SPAG16: variants seen among roughly 807,000 people sequenced by gnomAD.
SPAG16 encodes the protein sperm-associated antigen 16 protein.
SPAG16 carries 86 observed loss-of-function variants against 80.4 expected under a neutral mutation model. That is an observed-to-expected ratio of 1.07 (90% confidence interval 0.90 to 1.28). SPAG16 has a LOEUF of 1.28. Among genes scored for constraint, SPAG16 ranks in the 50% most tolerant of loss-of-function variants. The pLI is 0.00. For synonymous variants in SPAG16, 294 were observed against 265.9 expected, an observed-to-expected ratio of 1.11 and a Z score of -1.03; for missense variants, 870 against 765.3, an observed-to-expected ratio of 1.14 and a Z score of -1.61.
chr2:214,334,134 A>G (rs1697118657), intron 15 of SPAG16, among the ~76,000 whole-genome samples: 2 of 152,156 alleles, frequency 1.3e-5, no homozygotes, highest in Admixed American at 1.3e-4. Flanking sequence ...CATGTCAGTT[A>G]CATCATCTAT....
chr2:213,750,692 T>C (rs1467635027), intron 10 of SPAG16, among the ~76,000 whole-genome samples: 1 of 152,210 alleles, frequency 6.6e-6, no homozygotes, highest in Non-Finnish European at 1.5e-5. Context: ...ACTTGAAGCT[T>C]GAGTTCTGTT....
intron 12 of SPAG16, among the ~76,000 whole-genome samples, chr2:213,956,245 C>T (rs899010115): frequency 1.3e-5 from 2 of 151,956 alleles, no homozygotes; most frequent in African/African-American, 2.4e-5. Flanking sequence ...CATAAGCCAC[C>T]ATGCCAGGCC....
intron 15 of SPAG16, among the ~76,000 whole-genome samples, chr2:214,152,939 A>G (rs2056047310): frequency 6.6e-6 from 1 of 152,158 alleles, no homozygotes; most frequent in African/African-American, 2.4e-5. Context: ...AGCCAGGTAT[A>G]CAGGATGGAA....
At chr2:214,285,734 C>A (rs532826084) in intron 15 of SPAG16, among the ~76,000 whole-genome samples, 1 of 151,940 alleles carries the variant, frequency 6.6e-6, no homozygotes, top group African/African-American at 2.4e-5. Flanking sequence ...ACCTGGGAGG[C>A]GGAGGTTGCA....
intron 10 of SPAG16, among the ~76,000 whole-genome samples, chr2:213,786,130 T>C (rs990809060): frequency 2.0e-5 from 3 of 152,238 alleles, no homozygotes; most frequent in African/African-American, 4.8e-5. Flanking sequence ...ATATTTACTC[T>C]ATTTCTCTGA....
At chr2:214,367,898 T>C (rs1185687934) in intron 15 of SPAG16, among the ~76,000 whole-genome samples, 1 of 152,126 alleles carries the variant, frequency 6.6e-6, no homozygotes, top group African/African-American at 2.4e-5. Context: ...TAAACATCAT[T>C]CTCACAATAT....
intron 10 of SPAG16, among the ~76,000 whole-genome samples, chr2:213,490,321 G>T (rs1296068002): frequency 6.6e-6 from 1 of 152,154 alleles, no homozygotes. Flanking sequence ...TATTGTAGAG[G>T]TTGGAGTAAA....
chr2:214,047,151 C>T (rs986235885), intron 13 of SPAG16, among the ~76,000 whole-genome samples: 2 of 151,956 alleles, frequency 1.3e-5, no homozygotes, highest in Non-Finnish European at 2.9e-5. Context: ...ATAAAAATAC[C>T]AATGATATTC....
intron 10 of SPAG16, among the ~76,000 whole-genome samples, chr2:213,764,533 T>C (rs984136782): frequency 4.6e-5 from 7 of 152,170 alleles, no homozygotes; most frequent in African/African-American, 1.7e-4. Flanking sequence ...TTTTAAACTC[T>C]CTGAAAAATA....
At chr2:213,524,695 G>A (rs999646950) in intron 10 of SPAG16, among the ~76,000 whole-genome samples, 4 of 152,318 alleles carry the variant, frequency 2.6e-5, no homozygotes, top group African/African-American at 7.2e-5. Flanking sequence ...GGGGCATGTA[G>A]CCCCTTCATT....
chr2:214,045,988 A>G (rs2049299357), intron 13 of SPAG16, among the ~76,000 whole-genome samples: 1 of 152,190 alleles, frequency 6.6e-6, no homozygotes, highest in Admixed American at 6.5e-5. Context: ...GAAGATGCAA[A>G]TAAATAAAAT....
At chr2:213,401,041 TCAA>T (rs2068281798) in intron 9 of SPAG16, among the ~76,000 whole-genome samples, 1 of 152,198 alleles carries the variant, frequency 6.6e-6, no homozygotes. Context: ...ACTCCTGGAC[TCAA>T]GAGATCTGTC....
At chr2:213,666,457 C>T (rs1419532227) in intron 10 of SPAG16, among the ~76,000 whole-genome samples, 1 of 152,164 alleles carries the variant, frequency 6.6e-6, no homozygotes, top group Non-Finnish European at 1.5e-5. Flanking sequence ...CACCTATATG[C>T]TTAGTCTTAT....
intron 9 of SPAG16, among the ~76,000 whole-genome samples, chr2:213,416,414 C>T (rs1334461317): frequency 1.3e-5 from 2 of 152,030 alleles, no homozygotes; most frequent in African/African-American, 2.4e-5. Context: ...AGGTCATAGC[C>T]TATATTGGTT....
At chr2:214,200,528 G>A (rs553173211) in intron 15 of SPAG16, among the ~76,000 whole-genome samples, 1 of 152,148 alleles carries the variant, frequency 6.6e-6, no homozygotes, top group South Asian at 2.1e-4. Context: ...GTTCATCAGG[G>A]ATATTGGTCT....
At chr2:213,904,929 A>G (rs6718488) in intron 11 of SPAG16, among the ~76,000 whole-genome samples, 88,885 of 151,978 alleles carry the variant, frequency 0.58, 27,821 homozygotes, top group South Asian at 0.84. Context: ...ACTGTGAGAA[A>G]TGAGAAACCA....
chr2:213,470,828 C>T lies in SPAG16; in HGVS notation c.943-19135C>T, dbSNP rs2073038849. ...GAGGTTACCCATAGGTGAGCACTCA[C>T]ATGGGATACAAATATCTTCACAGTT... On this transcript the variant is annotated intron_variant, in intron 9 of 15. Transcript: ENST00000331683. Among the ~76,000 whole-genome samples the T allele has an allele frequency of 2.0e-5, 3 of 152,358 alleles. No individual in the cohort carries two copies. In the South Asian group the frequency reaches 6.2e-4, roughly 32 times the overall value.
chr2:213,945,149 A>C (rs893772834), intron 12 of SPAG16, among the ~76,000 whole-genome samples: 1 of 151,632 alleles, frequency 6.6e-6, no homozygotes, highest in Non-Finnish European at 1.5e-5. Flanking sequence ...CAGAACTAAT[A>C]GGATATATAT....
intron 6 of SPAG16, among the ~76,000 whole-genome samples, chr2:213,343,516 T>C (rs371758251): frequency 6.6e-6 from 1 of 152,176 alleles, no homozygotes; most frequent in East Asian, 1.9e-4. Context: ...CAGGAAGACA[T>C]GTCCTATAAT....
Sources: allele counts gnomAD v4.1 joint callset (sites outside exome capture counted in the v4.1 genomes callset), GRCh38; gene constraint gnomAD v4.1.1; transcripts MANE v1.5; gene names NCBI Gene and HGNC (gene_info 2026-07-23, HGNC 2026-07-21).